The following SECISBP2L variants were observed in gnomAD, a reference collection of about 807,000 sequenced individuals.
The protein encoded by SECISBP2L is SECIS binding protein 2 like.
SECISBP2L carries 43 observed loss-of-function variants against 114.7 expected under a neutral mutation model. That is an observed-to-expected ratio of 0.38 (90% confidence interval 0.29 to 0.48). The LOEUF (loss-of-function observed/expected upper bound fraction) is 0.48. SECISBP2L is among the 20% of genes least tolerant of loss of function. The pLI is 0.98. For synonymous variants in SECISBP2L, 451 were observed against 439.7 expected, an observed-to-expected ratio of 1.03 and a Z score of -0.32; for missense variants, 1,136 against 1,301.1, an observed-to-expected ratio of 0.87 and a Z score of 1.95.
chr15:49,042,305 T>C (rs186504165), intron 1 of SECISBP2L: 1 of 152,132 alleles, frequency 6.6e-6, no homozygotes, highest in Non-Finnish European at 1.5e-5. Context: ...TTCAGCCACA[T>C]TCCATAGGTT....
intron 5 of SECISBP2L, 88 bp downstream of exon 5, chr15:49,028,364 GA>G: frequency 1.6e-6 from 2 of 1,276,922 alleles, no homozygotes; most frequent in Non-Finnish European, 2.2e-6. Context: ...AATTGCTAAT[GA>G]AAACAGATAC....
chr15:49,019,552 C>A lies in SECISBP2L; in HGVS notation c.1036G>T (p.Val346Phe). 1 of 1,464,202 alleles carries A rather than the reference C, an allele frequency of 6.8e-7. No individual in the cohort carries two copies. Among genetic ancestry groups the A allele is most frequent in the Non-Finnish European group, 8.9e-7 (1 of 1,120,472 alleles). 90.7% of individuals were successfully genotyped at this position (1,464,202 alleles called of 1,614,324 possible). The change falls in exon 8 of 18, where the codon GTT becomes TTT. Residue 346 changes from valine (V) to phenylalanine (F), a missense_variant and splice_region_variant. Val to Phe is a conservative substitution (Grantham distance 50, BLOSUM62 -1). Transcript: ENST00000559471. ...RQTEQRNNSQVGFRCRGHSTS... is the reference protein window; with the variant it reads ...RQTEQRNNSQFGFRCRGHSTS... Reference sequence around the variant, plus strand: ...CTGTGTCCTCGGCATCTGAATCCAACCTAAGTAAACCCCAGAGGGGAAAAA... The same window carrying A: ...CTGTGTCCTCGGCATCTGAATCCAAACTAAGTAAACCCCAGAGGGGAAAAA...
intron 14 of SECISBP2L, among the ~76,000 whole-genome samples, chr15:49,005,247 T>C (rs1180435550): frequency 2.6e-5 from 4 of 152,110 alleles, no homozygotes; most frequent in African/African-American, 4.8e-5. Flanking sequence ...AGAGAATCAC[T>C]TGAACTCAGG....
intron 7 of SECISBP2L, among the ~76,000 whole-genome samples, chr15:49,020,895 T>C (rs1902628195): frequency 6.6e-6 from 1 of 152,204 alleles, no homozygotes; most frequent in Non-Finnish European, 1.5e-5. Flanking sequence ...AATAATTTAA[T>C]ACAAATCTTG....
rs1353723933 is a variant in SECISBP2L at position 48,990,962 on chromosome 15, G to A, written c.*1282C>T. ...AAACTTGTAAAGTCACTGAAGTCCAGGTGGTGACTGACTAGCAAATAAAAC... is the reference window on the plus strand; with the variant it reads ...AAACTTGTAAAGTCACTGAAGTCCAAGTGGTGACTGACTAGCAAATAAAAC... On this transcript the variant is annotated 3_prime_UTR_variant, in exon 18 of 18. Transcript: ENST00000559471. The A allele has an allele frequency of 6.6e-6, 1 of 152,144 alleles. No individual in the cohort carries two copies. Among genetic ancestry groups the A allele is most frequent in the Non-Finnish European group, 1.5e-5 (1 of 68,036 alleles). The allele number at this position is 152,144 out of a possible 1,614,324, so 9.4% of individuals were successfully genotyped here. A position where few individuals can be genotyped will look rare whatever the true frequency, so the allele number is the denominator to read the frequency against.
intron 8 of SECISBP2L, among the ~76,000 whole-genome samples, chr15:49,018,256 A>ATT (rs111439945): frequency 2.1e-5 from 3 of 139,918 alleles, no homozygotes; most frequent in Non-Finnish European, 1.6e-5. Context: ...CATATTATTG[A>ATT]TTTTTTTTTT....
chr15:49,020,581 C>T (rs1002937274), intron 7 of SECISBP2L, among the ~76,000 whole-genome samples: 1 of 152,100 alleles, frequency 6.6e-6, no homozygotes, highest in African/African-American at 2.4e-5. Flanking sequence ...GATCACAGCT[C>T]ACTGCAGCCT....
intron 1 of SECISBP2L, among the ~76,000 whole-genome samples, chr15:49,044,913 T>A (rs950916405): frequency 6.6e-6 from 1 of 152,186 alleles, no homozygotes; most frequent in Admixed American, 6.5e-5. Context: ...GTTGAACCCT[T>A]TCATTAGTAA....
chr15:49,009,726 C>A (rs1902399131), intron 13 of SECISBP2L, among the ~76,000 whole-genome samples: 1 of 151,806 alleles, frequency 6.6e-6, no homozygotes, highest in South Asian at 2.1e-4. Context: ...AAAAAACATT[C>A]CCTCTCTCTC....
At chr15:49,002,301 T>C (rs1480115496) in intron 14 of SECISBP2L, among the ~76,000 whole-genome samples, 1 of 151,498 alleles carries the variant, frequency 6.6e-6, no homozygotes, top group Non-Finnish European at 1.5e-5. Flanking sequence ...TTGATGGGGT[T>C]GTTTTTTCTT....
At chr15:49,029,899 C>CT (rs11426884) in intron 4 of SECISBP2L, among the ~76,000 whole-genome samples, 106,851 of 142,260 alleles carry the variant, frequency 0.75, 40,170 homozygotes, top group African/African-American at 0.8. Context: ...TGAGGCTGAT[C>CT]TTTTTTTTTT....
rs1205824309 is a variant in SECISBP2L at position 49,016,867 on chromosome 15, A to T, written c.1400T>A (p.Met467Lys). The T allele has an allele frequency of 3.7e-6, 6 of 1,609,010 alleles. No homozygotes were observed. The highest frequency in any genetic ancestry group is 2.2e-5 in the South Asian group (2 of 89,924). ...ATGTACCTGTAATTTTTTTTGCTCC[A>T]TACTTATTTCTGAATACTCTTGAGC... is the stretch of plus-strand genomic sequence containing the variant. Reference protein sequence around the residue: ...ATAQEYSEISMEQKKLQEALS... With the variant: ...ATAQEYSEISKEQKKLQEALS... The change falls in exon 10 of 18, where the codon ATG (methionine) becomes AAG (lysine). Residue 467 changes from methionine (M) to lysine (K), a missense_variant. Around this residue, in one of 2 missense-constraint regions of SECISBP2L, gnomAD observed 684 missense variants for 848.7 expected, o/e 0.81. Coordinates refer to ENST00000559471, the MANE Select transcript of SECISBP2L (RefSeq NM_001193489.2).
At chr15:49,011,967 G>C in intron 12 of SECISBP2L, 104 bp from the exon 13 acceptor site, 1 of 1,315,932 alleles carries the variant, frequency 7.6e-7, no homozygotes, top group Non-Finnish European at 1.1e-6. Flanking sequence ...ACTTAAACAT[G>C]AACATGAGAA....
At chr15:48,993,614 G>A (rs184972246) in intron 17 of SECISBP2L, among the ~76,000 whole-genome samples, 1 of 152,086 alleles carries the variant, frequency 6.6e-6, no homozygotes, top group East Asian at 1.9e-4. Flanking sequence ...GGCCTGTAAT[G>A]GGACATGTGT....
At chr15:49,028,819 G>A (rs1395243014) in intron 4 of SECISBP2L, 137 bp from the exon 5 acceptor site, 7 of 719,238 alleles carry the variant, frequency 9.7e-6, no homozygotes, top group Non-Finnish European at 1.6e-5. Context: ...TTTTGAAAAG[G>A]TCATTAAAAG....
chr15:49,032,117 A>G (rs1424317239), intron 4 of SECISBP2L, among the ~76,000 whole-genome samples: 1 of 152,212 alleles, frequency 6.6e-6, no homozygotes, highest in Non-Finnish European at 1.5e-5. Context: ...TCCAAAAGAA[A>G]GGGTATAATC....
At chr15:49,037,019 T>C (rs901101442) in intron 2 of SECISBP2L, among the ~76,000 whole-genome samples, 7 of 152,192 alleles carry the variant, frequency 4.6e-5, no homozygotes, top group Non-Finnish European at 1.0e-4. Context: ...TCAGACAGTA[T>C]AAGCAGGGTT....
At chr15:49,010,971 G>A (rs1233352731) in intron 13 of SECISBP2L, among the ~76,000 whole-genome samples, 1 of 152,158 alleles carries the variant, frequency 6.6e-6, no homozygotes, top group Non-Finnish European at 1.5e-5. Context: ...TGAATGGATG[G>A]ATGATTACAC....
rs1182069049 is a variant in SECISBP2L at position 49,011,879 on chromosome 15, C to T, written c.1732-16G>A. ...TTAAAATAACCTAAAAGTCATTACA[C>T]TAGTCTTTAATTACAGATTACTCTT... On this transcript the variant is annotated splice_polypyrimidine_tract_variant and intron_variant, in intron 12 of 17. Transcript: ENST00000559471. 21 of 1,612,762 alleles carry T rather than the reference C, an allele frequency of 1.3e-5. No individual in the cohort carries two copies. The Admixed American group carries it at 3.2e-4, about 24-fold the overall frequency.
Sources: gnomAD v4.1 joint callset for allele counts (sites outside exome capture counted in the v4.1 genomes callset) on GRCh38, gnomAD v4.1.1 for gene constraint, gnomAD v4.1.1 regional missense constraint, MANE v1.5 for transcripts, NCBI Gene and HGNC (gene_info 2026-07-23, HGNC 2026-07-21) for gene names.